Variants in PTPRT observed in about 807,000 individuals in gnomAD.
PTPRT encodes receptor-type tyrosine-protein phosphatase T.
In PTPRT, 56 loss-of-function variants were observed where a neutral mutation model predicts 176.8. The observed-to-expected ratio is 0.32, with a 90% CI of 0.26 to 0.40. PTPRT has a LOEUF of 0.40. PTPRT is among the 10% of genes least tolerant of loss of function. The pLI, the probability that PTPRT is intolerant of heterozygous loss-of-function variation, is 1.00. For missense variants in PTPRT, 1,540 were observed against 1,908.2 expected (o/e 0.81, Z 3.60); for synonymous variants, 783 against 739.0 (o/e 1.06, Z -0.96).
intron 1 of PTPRT, among the ~76,000 whole-genome samples, chr20:42,949,792 C>G (rs868829844): frequency 2.6e-5 from 4 of 152,158 alleles, no homozygotes; most frequent in Non-Finnish European, 5.9e-5. Context: ...CTGAAATCTA[C>G]CCAAAACAAA....
chr20:42,436,780 T>A (rs1358811087), intron 9 of PTPRT, among the ~76,000 whole-genome samples: 1 of 152,226 alleles, frequency 6.6e-6, no homozygotes, highest in Non-Finnish European at 1.5e-5. Flanking sequence ...AACCCCAATG[T>A]TTATGAAAGG....
At chr20:42,795,085 T>C (rs889680912) in intron 2 of PTPRT, among the ~76,000 whole-genome samples, 2 of 152,048 alleles carry the variant, frequency 1.3e-5, no homozygotes, top group Non-Finnish European at 2.9e-5. Flanking sequence ...CCCAGGGCTG[T>C]CAGTTTCCTG....
intron 1 of PTPRT, among the ~76,000 whole-genome samples, chr20:43,071,338 A>T (rs889424145): frequency 1.3e-5 from 2 of 152,132 alleles, no homozygotes; most frequent in African/African-American, 4.8e-5. Context: ...AACTCTGGGG[A>T]TGGGGCCCAG....
At chr20:42,199,634 T>C (rs746328060) in intron 15 of PTPRT, among the ~76,000 whole-genome samples, 5 of 152,160 alleles carry the variant, frequency 3.3e-5, no homozygotes, top group Non-Finnish European at 7.3e-5. Context: ...GGGAAATCAA[T>C]GAGACTTGTA....
Position 42,469,751 on chromosome 20 carries a change from C to T in PTPRT, c.1450+2515G>A, listed in dbSNP as rs550860109. Among the ~76,000 whole-genome samples the T allele has an allele frequency of 2.4e-4, 36 of 149,704 alleles. No homozygotes were observed. In the South Asian group the frequency reaches 5.5e-3, roughly 23 times the overall value. Reference sequence around the variant, plus strand: ...GTGGGGTCTGCAAAGAGGATGGCTACGAGGATGAACTGGAAGGGTGTAAGG... The same window carrying T: ...GTGGGGTCTGCAAAGAGGATGGCTATGAGGATGAACTGGAAGGGTGTAAGG... On this transcript the variant is annotated intron_variant, in intron 8 of 30. Coordinates refer to ENST00000373187, the MANE Select transcript of PTPRT (RefSeq NM_007050.6).
intron 6 of PTPRT, among the ~76,000 whole-genome samples, chr20:42,697,462 C>T (rs561415792): frequency 1.3e-5 from 2 of 152,274 alleles, no homozygotes; most frequent in South Asian, 4.1e-4. Flanking sequence ...CATTAACTTG[C>T]AAATTACTCG....
chr20:42,943,535 C>T (rs1453250587), intron 1 of PTPRT, among the ~76,000 whole-genome samples: 2 of 147,274 alleles, frequency 1.4e-5, no homozygotes, highest in Middle Eastern at 3.4e-3. Flanking sequence ...GACACCCCTA[C>T]CCCCGAGTGG....
intron 27 of PTPRT, among the ~76,000 whole-genome samples, chr20:42,092,038 G>A (rs1347901991): frequency 4.6e-5 from 7 of 152,166 alleles, no homozygotes; most frequent in Non-Finnish European, 8.8e-5. Context: ...TAAGGAGATG[G>A]CTAGATTTTG....
chr20:43,181,655 CTCTT>C, intron 1 of PTPRT, among the ~76,000 whole-genome samples: 1 of 152,034 alleles, frequency 6.6e-6, no homozygotes, highest in Non-Finnish European at 1.5e-5. Context: ...TGTTTAAAAC[CTCTT>C]TCTTTTCTAT....
At chr20:42,923,003 T>C (rs1441641450) in intron 1 of PTPRT, among the ~76,000 whole-genome samples, 1 of 152,036 alleles carries the variant, frequency 6.6e-6, no homozygotes, top group Non-Finnish European at 1.5e-5. Flanking sequence ...CATGGCTACT[T>C]TGCGAATGGT....
At chr20:43,184,264 T>G (rs1280311003) in intron 1 of PTPRT, among the ~76,000 whole-genome samples, 1 of 152,214 alleles carries the variant, frequency 6.6e-6, no homozygotes, top group African/African-American at 2.4e-5. Context: ...TCTGCCACAC[T>G]GGGGGACTGC....
rs78501761 is a variant in PTPRT, at chr20:42,690,888, G to A, written c.860-12729C>T. Among the ~76,000 whole-genome samples the A allele has an allele frequency of 5.7e-3, 874 of 152,310 alleles. 11 individuals are homozygous for A. Among genetic ancestry groups the A allele is most frequent in the African/African-American group, 0.02 (834 of 41,568 alleles). ...CTCACTGGGTCCTTGTGAAGATCAAGTGTAAGTGCCTGAAAAATGACAGGC... is the reference window on the plus strand; with the variant it reads ...CTCACTGGGTCCTTGTGAAGATCAAATGTAAGTGCCTGAAAAATGACAGGC... On this transcript the variant is annotated intron_variant, in intron 6 of 30. Transcript: ENST00000373187.
intron 12 of PTPRT, among the ~76,000 whole-genome samples, chr20:42,297,767 G>T (rs142824260): frequency 1.4e-3 from 218 of 152,118 alleles, no homozygotes; most frequent in East Asian, 0.014. Context: ...AAATTATCGG[G>T]ACAAAAATGG....
intron 16 of PTPRT, among the ~76,000 whole-genome samples, chr20:42,193,393 A>G (rs1288525291): frequency 6.6e-6 from 1 of 152,232 alleles, no homozygotes; most frequent in Non-Finnish European, 1.5e-5. Context: ...ACCTATCAGT[A>G]AGGAAGTGAA....
At chr20:42,709,577 T>C (rs1009471515) in intron 6 of PTPRT, among the ~76,000 whole-genome samples, 42 of 152,320 alleles carry the variant, frequency 2.8e-4, no homozygotes, top group Middle Eastern at 3.4e-3. Context: ...AGACCTTTTT[T>C]CTTTATAAAT....
At chr20:42,892,378 C>G (rs1033048213) in intron 1 of PTPRT, among the ~76,000 whole-genome samples, 2 of 152,256 alleles carry the variant, frequency 1.3e-5, no homozygotes, top group Middle Eastern at 3.4e-3. Context: ...CTTTCCATTG[C>G]TCCAACCCAG....
At chr20:42,460,873 T>C (rs1399187864) in intron 8 of PTPRT, among the ~76,000 whole-genome samples, 3 of 152,214 alleles carry the variant, frequency 2.0e-5, no homozygotes, top group East Asian at 1.9e-4. Context: ...CAGTTCTTTA[T>C]AGCAGTATGA....
At chr20:42,727,526 G>T (rs777940339) in intron 6 of PTPRT, among the ~76,000 whole-genome samples, 1 of 152,190 alleles carries the variant, frequency 6.6e-6, no homozygotes, top group Non-Finnish European at 1.5e-5. Flanking sequence ...GGGTACAGAG[G>T]TGTCACTTAT....
the PTPRT span, among the ~76,000 whole-genome samples, chr20:42,055,543 G>A: frequency 6.6e-6 from 1 of 152,152 alleles, no homozygotes; most frequent in African/African-American, 2.4e-5. Flanking sequence ...TGAGCTCTGG[G>A]GGCAAGGGAT....
Sources: allele counts gnomAD v4.1 joint callset (sites outside exome capture counted in the v4.1 genomes callset), GRCh38; gene constraint gnomAD v4.1.1; transcripts MANE v1.5; gene names NCBI Gene and HGNC (gene_info 2026-07-23, HGNC 2026-07-21).